HHAT: variants seen among roughly 807,000 people sequenced by gnomAD.
The protein encoded by HHAT is hedgehog acyltransferase, also known as protein-cysteine N-palmitoyltransferase HHAT.
Under a neutral mutation model 70.8 loss-of-function variants are expected in HHAT, and 47 were observed. The observed-to-expected ratio is 0.66, with a 90% CI of 0.53 to 0.85. The LOEUF is 0.85. Among genes scored for constraint, HHAT ranks in the 40% least tolerant of loss-of-function variants. HHAT has a pLI of 0.00. For synonymous variants in HHAT, 228 were observed against 247.6 expected, an observed-to-expected ratio of 0.92 and a Z score of 0.74; for missense variants, 609 against 604.8, an observed-to-expected ratio of 1.01 and a Z score of -0.07.
chr1:210,329,132 C>G lies in HHAT; in HGVS notation c.-44+28C>G, dbSNP rs575911749. Reference sequence around the variant, plus strand: ...TGGTAACTGGTGACCATAGGGGGTCCTGGGGAGGTTAGATGCTGAATTTTC... The same window carrying G: ...TGGTAACTGGTGACCATAGGGGGTCGTGGGGAGGTTAGATGCTGAATTTTC... On this transcript the variant is annotated intron_variant, in intron 1 of 11. Coordinates refer to ENST00000261458, the MANE Select transcript of HHAT (RefSeq NM_018194.6). 2.2e-3 allele frequency: 2,857 copies of G among 1,316,668 alleles called. 2 individuals carry two copies. The highest frequency in any genetic ancestry group is 2.6e-3 in the Non-Finnish European group (2,657 of 1,030,160). The allele number at this position is 1,316,668 out of a possible 1,614,324, so 81.6% of individuals were successfully genotyped here.
chr1:210,472,154 C>T (rs527713235), intron 8 of HHAT, among the ~76,000 whole-genome samples: 10 of 152,290 alleles, frequency 6.6e-5, no homozygotes, highest in East Asian at 1.9e-4. Context: ...TGTTTGTGCA[C>T]GCACACACAC....
chr1:210,435,760 TC>T (rs1236210073), intron 7 of HHAT, among the ~76,000 whole-genome samples: 1 of 151,992 alleles, frequency 6.6e-6, no homozygotes, highest in Non-Finnish European at 1.5e-5. Context: ...CATTTGTATG[TC>T]ATTTTTTGAG....
At position 210,560,306 on chromosome 1, in the gene HHAT, A is replaced by G. The variant is rs115601920; in HGVS notation, c.1044-27592A>G. 4.5e-3 allele frequency among the ~76,000 whole-genome samples: 685 copies of G among 152,174 alleles called. 2 individuals are homozygous for G. The highest frequency in any genetic ancestry group is 0.014 in the African/African-American group (588 of 41,474). ...ATATGTGTGACTTCCTCAGAGTCAA[A>G]GGTTTTTTTCCCCCACTTAAAAACA... On this transcript the variant is annotated intron_variant, in intron 9 of 11. Coordinates refer to ENST00000261458, the MANE Select transcript of HHAT (RefSeq NM_018194.6).
chr1:210,327,694 C>CG (rs1250452662), upstream of HHAT, among the ~76,000 whole-genome samples: 1 of 146,700 alleles, frequency 6.8e-6, no homozygotes, highest in Non-Finnish European at 1.5e-5. Flanking sequence ...TTAGTAGAGA[C>CG]GGGGTCTCAC....
chr1:210,633,091 G>T (rs1671190376), intron 11 of HHAT, among the ~76,000 whole-genome samples: 1 of 152,212 alleles, frequency 6.6e-6, no homozygotes, highest in Non-Finnish European at 1.5e-5. Flanking sequence ...TAAGCCACCT[G>T]GTTGGTAGTA....
Position 210,627,218 on chromosome 1 carries a change from T to C in HHAT, c.1390+3548T>C, listed in dbSNP as rs189571501. On this transcript the variant is annotated intron_variant, in intron 11 of 11. Coordinates refer to ENST00000261458, the MANE Select transcript of HHAT (RefSeq NM_018194.6). ...AAGGGGCAGACGGGTATCTAGGAGA[T>C]AGGGATTATTGAGGAGATTTGCACA... 1.5e-3 allele frequency among the ~76,000 whole-genome samples: 222 copies of C among 152,082 alleles called. 1 individual carries two copies. The highest frequency in any genetic ancestry group is 5.2e-3 in the African/African-American group (215 of 41,480).
chr1:210,404,790 A>G, intron 6 of HHAT, 111 bp downstream of exon 6: 1 of 715,848 alleles, frequency 1.4e-6, no homozygotes, highest in Non-Finnish European at 2.3e-6. Flanking sequence ...CCACAGATTT[A>G]CAACACATAC....
chr1:210,533,575 T>C (rs2095337736), intron 9 of HHAT, among the ~76,000 whole-genome samples: 1 of 152,188 alleles, frequency 6.6e-6, no homozygotes, highest in Admixed American at 6.5e-5. Flanking sequence ...TTTCTGTCTG[T>C]AAGAGCTTCT....
chr1:210,651,427 C>T (rs1277543880), intron 11 of HHAT, among the ~76,000 whole-genome samples: 1 of 152,176 alleles, frequency 6.6e-6, no homozygotes, highest in African/African-American at 2.4e-5. Flanking sequence ...AAAGCAGTTA[C>T]TGCCCCTAGG....
chr1:210,442,166 C>T (rs1156841551), intron 7 of HHAT, among the ~76,000 whole-genome samples: 1 of 145,962 alleles, frequency 6.9e-6, no homozygotes, highest in Non-Finnish European at 1.5e-5. Flanking sequence ...CATGTCCCTA[C>T]AAAGGACATG....
chr1:210,631,310 C>A (rs1670821540), intron 11 of HHAT: 1 of 354,358 alleles, frequency 2.8e-6, no homozygotes, highest in Admixed American at 3.8e-5. Flanking sequence ...GTCTAAAGTG[C>A]CTGGTTAATT....
At chr1:210,452,071 T>A (rs147141463) in intron 7 of HHAT, among the ~76,000 whole-genome samples, 123 of 152,350 alleles carry the variant, frequency 8.1e-4, no homozygotes, top group African/African-American at 2.9e-3. Context: ...CTGTTGTAAT[T>A]GCTAAAGATC....
upstream of HHAT, chr1:210,328,184 A>G (rs2084692828): frequency 6.6e-6 from 1 of 152,194 alleles, no homozygotes; most frequent in Non-Finnish European, 1.5e-5. Context: ...GGGATCCAGA[A>G]GCCCGAGGTT....
At chr1:210,374,252 G>A (rs373426800) in intron 3 of HHAT, 4 of 136,402 alleles carry the variant, frequency 2.9e-5, no homozygotes, top group East Asian at 1.9e-4. Flanking sequence ...TATTCGATCT[G>A]AAGAGAAACC....
rs1156761126 is a variant in HHAT, at chr1:210,440,158, C to T, written c.856+21833C>T. Among the ~76,000 whole-genome samples the T allele has an allele frequency of 2.0e-5, 3 of 151,662 alleles. No individual in the cohort carries two copies. The East Asian group carries it at 5.8e-4, about 29-fold the overall frequency. ...TCTTTACGCTCTGCTTGGCAGCCTA[C>T]ACCATATTTCTTGGAATTAAAGACA... On this transcript the variant is annotated intron_variant, in intron 7 of 11. Coordinates refer to ENST00000261458, the MANE Select transcript of HHAT (RefSeq NM_018194.6).
chr1:210,459,502 G>A (rs994989165), intron 7 of HHAT, among the ~76,000 whole-genome samples: 1 of 152,172 alleles, frequency 6.6e-6, no homozygotes, highest in Non-Finnish European at 1.5e-5. Context: ...ACTGTGGTCT[G>A]ATAGGATAAG....
intron 3 of HHAT, among the ~76,000 whole-genome samples, chr1:210,386,618 A>G (rs927768333): frequency 3.9e-5 from 6 of 152,072 alleles, no homozygotes; most frequent in African/African-American, 1.4e-4. Flanking sequence ...GTAGTGCTGA[A>G]CTGTTCACTG....
chr1:210,527,726 G>A (rs1217873606), intron 9 of HHAT, among the ~76,000 whole-genome samples: 1 of 152,222 alleles, frequency 6.6e-6, no homozygotes, highest in African/African-American at 2.4e-5. Flanking sequence ...ACAGAGGATG[G>A]TGCGCCAACA....
In HHAT at chr1:210,556,296, C is replaced by A. The variant is rs149859802; in HGVS notation, c.1044-31602C>A. Among the ~76,000 whole-genome samples the A allele has an allele frequency of 1.7e-4, 26 of 152,258 alleles. 1 individual carries two copies. In the East Asian group the frequency reaches 5.0e-3, roughly 29 times the overall value. On this transcript the variant is annotated intron_variant, in intron 9 of 11. Coordinates refer to ENST00000261458, the MANE Select transcript of HHAT (RefSeq NM_018194.6). Reference sequence around the variant, plus strand: ...TCTTAAAGATTCAAACAAACAGAACCTTCCATCATTTGAGTCCATTCTTGT... The same window carrying A: ...TCTTAAAGATTCAAACAAACAGAACATTCCATCATTTGAGTCCATTCTTGT...
Sources: allele counts gnomAD v4.1 joint callset (sites outside exome capture counted in the v4.1 genomes callset), GRCh38; gene constraint gnomAD v4.1.1; transcripts MANE v1.5; gene names NCBI Gene and HGNC (gene_info 2026-07-23, HGNC 2026-07-21).